The following TLE4 variants were observed in gnomAD, a reference collection of about 807,000 sequenced individuals.
TLE4 encodes transducin-like enhancer protein 4.
Under a neutral mutation model 92.8 loss-of-function variants are expected in TLE4, and 8 were observed. The ratio of observed to expected loss-of-function variants is 0.09; its 90% CI spans 0.05 to 0.16. The LOEUF (loss-of-function observed/expected upper bound fraction) is 0.16, where lower values mean the gene tolerates loss of function less well. Ranked by LOEUF, TLE4 falls within the 10% of genes least tolerant of loss-of-function variation. The probability of loss-of-function intolerance (pLI) is 1.00; values close to 1 mark genes in which losing one functional copy is unlikely to be tolerated. For missense variants in TLE4, 675 were observed against 997.6 expected (o/e 0.68, Z 4.36); for synonymous variants, 371 against 374.1 (o/e 0.99, Z 0.10).
chr9:79,695,604 C>T (rs183131655), intron 8 of TLE4, among the ~76,000 whole-genome samples: 69 of 152,246 alleles, frequency 4.5e-4, no homozygotes, highest in African/African-American at 1.5e-3. Context: ...TCCAAACGGG[C>T]GTGGTCCTTG....
intron 4 of TLE4, among the ~76,000 whole-genome samples, chr9:79,609,492 T>G (rs895997321): frequency 2.0e-5 from 3 of 152,112 alleles, no homozygotes; most frequent in East Asian, 1.9e-4. Flanking sequence ...GGTAGTGAGT[T>G]GAGGGTAGGA....
chr9:79,699,420 T>G (rs1014676558), intron 8 of TLE4, among the ~76,000 whole-genome samples: 4 of 152,204 alleles, frequency 2.6e-5, no homozygotes, highest in African/African-American at 9.6e-5. Context: ...AGAGTAACTA[T>G]AATTTATCGT....
intron 8 of TLE4, among the ~76,000 whole-genome samples, chr9:79,676,575 A>G (rs1300031723): frequency 6.6e-6 from 1 of 152,212 alleles, no homozygotes; most frequent in East Asian, 1.9e-4. Flanking sequence ...AAAGTAGGAT[A>G]TGCAAGTGGT....
At chr9:79,707,174 T>G (rs771784412) in intron 11 of TLE4, 4 of 1,612,822 alleles carry the variant, frequency 2.5e-6, no homozygotes, top group Non-Finnish European at 3.4e-6. Context: ...AGATGAACAA[T>G]GCACATTGGG....
intron 8 of TLE4, chr9:79,671,067 A>G: frequency 3.9e-6 from 1 of 258,000 alleles, no homozygotes; most frequent in South Asian, 3.9e-5. Context: ...CCTAAAAAAA[A>G]ATCTACAAAA....
At chr9:79,694,041 G>C (rs557358131) in intron 8 of TLE4, among the ~76,000 whole-genome samples, 2 of 152,312 alleles carry the variant, frequency 1.3e-5, no homozygotes, top group South Asian at 4.1e-4. Flanking sequence ...GTTAGAATAA[G>C]GGTCAACAAC....
intron 5 of TLE4, among the ~76,000 whole-genome samples, chr9:79,623,796 A>G (rs955688845): frequency 6.6e-6 from 1 of 151,214 alleles, no homozygotes; most frequent in African/African-American, 2.4e-5. Context: ...TCAAAATCCC[A>G]GTTAGAGGTC....
At chr9:79,673,552 A>T (rs1323838873) in intron 8 of TLE4, among the ~76,000 whole-genome samples, 12 of 152,202 alleles carry the variant, frequency 7.9e-5, no homozygotes. Flanking sequence ...CTTTCAAATT[A>T]TTTTCTGCAT....
intron 19 of TLE4, among the ~76,000 whole-genome samples, chr9:79,724,727 G>A (rs2076177664): frequency 6.6e-6 from 1 of 151,754 alleles, no homozygotes; most frequent in Non-Finnish European, 1.5e-5. Context: ...CAGTGTCGTA[G>A]TCCCAGCATC....
Position 79,705,943 on chromosome 9 carries a change from GTA to G in TLE4, c.783+3_783+4del. 1 of 1,614,106 alleles carries G rather than the reference GTA, an allele frequency of 6.2e-7. No homozygotes were observed. The highest frequency in any genetic ancestry group is 8.5e-7 in the Non-Finnish European group (1 of 1,179,984). On this transcript the variant is annotated splice_donor_variant and splice_donor_region_variant and intron_variant, in intron 10 of 19. Coordinates refer to ENST00000376552, the MANE Select transcript of TLE4 (RefSeq NM_007005.6). LOFTEE classifies it high-confidence loss of function. ...CTTGGTGGTTGACGTTTCCAATGAG[GTA>G]TGTTTGTGGCTACTTTAATTTTTTG...
At chr9:79,688,904 G>A (rs1286281189) in intron 8 of TLE4, among the ~76,000 whole-genome samples, 1 of 151,966 alleles carries the variant, frequency 6.6e-6, no homozygotes, top group Admixed American at 6.6e-5. Context: ...GCATGTGGAG[G>A]ACAACATATC....
chr9:79,600,949 C>A (rs1000484999), intron 4 of TLE4, among the ~76,000 whole-genome samples: 1 of 151,996 alleles, frequency 6.6e-6, no homozygotes, highest in Non-Finnish European at 1.5e-5. Context: ...TTGGTTCACT[C>A]GAGATAACAT....
chr9:79,658,606 G>A (rs1258095944), intron 8 of TLE4, among the ~76,000 whole-genome samples: 1 of 152,138 alleles, frequency 6.6e-6, no homozygotes, highest in Non-Finnish European at 1.5e-5. Flanking sequence ...GCATGATTCA[G>A]GCCAAGAAAG....
chr9:79,595,918 C>T (rs952632607), intron 4 of TLE4, among the ~76,000 whole-genome samples: 2 of 150,826 alleles, frequency 1.3e-5, no homozygotes, highest in Non-Finnish European at 2.9e-5. Flanking sequence ...ACGATCTCAG[C>T]TCACTGCAGG....
intron 8 of TLE4, among the ~76,000 whole-genome samples, chr9:79,661,139 TAG>T (rs1315770420): frequency 6.6e-6 from 1 of 152,264 alleles, no homozygotes; most frequent in African/African-American, 2.4e-5. Flanking sequence ...TAAGTTTTAA[TAG>T]TTGACGCTTG....
intron 18 of TLE4, 137 bp from the exon 19 acceptor site, chr9:79,722,822 G>C (rs543976741): frequency 4.5e-5 from 44 of 986,698 alleles, no homozygotes; most frequent in Non-Finnish European, 6.2e-5. Context: ...CAGAAAGATA[G>C]GCTTTATTTT....
chr9:79,645,651 G>A (rs1219115884), intron 6 of TLE4, among the ~76,000 whole-genome samples: 1 of 152,190 alleles, frequency 6.6e-6, no homozygotes, highest in Non-Finnish European at 1.5e-5. Context: ...ATCCAGAAAA[G>A]ACCTATTAAC....
intron 5 of TLE4, among the ~76,000 whole-genome samples, chr9:79,621,013 C>T (rs1033901659): frequency 9.9e-5 from 15 of 152,134 alleles, no homozygotes; most frequent in African/African-American, 3.4e-4. Flanking sequence ...CACCTCCCAC[C>T]AGGCCCCACC....
Position 79,722,977 on chromosome 9 carries a change from C to G in TLE4, c.2156C>G (p.Thr719Ser). The change falls in exon 19 of 20, where the codon ACT (threonine) becomes AGT (serine). Residue 719 changes from threonine (T) to serine (S), a missense_variant. Physicochemically the swap from Thr to Ser is moderately conservative, Grantham distance 58. Transcript: ENST00000376552. The part of the protein sequence containing the change: ...FAHCGKWFVS[T>S]GKDNLLNAWR... ...CCTATAGGCAAATGGTTTGTAAGCA[C>G]TGGAAAGGACAACCTTCTGAATGCC... 6.2e-7 allele frequency: 1 copy of G among 1,614,138 alleles called. No homozygotes were observed. The highest frequency in any genetic ancestry group is 8.5e-7 in the Non-Finnish European group (1 of 1,180,022).
Sources: allele counts gnomAD v4.1 joint callset (sites outside exome capture counted in the v4.1 genomes callset), GRCh38; gene constraint gnomAD v4.1.1; transcripts MANE v1.5; gene names NCBI Gene and HGNC (gene_info 2026-07-23, HGNC 2026-07-21).